SYT16: variants seen among roughly 807,000 people sequenced by gnomAD.
The protein encoded by SYT16 is synaptotagmin 16.
A neutral mutation model predicts 61.4 loss-of-function variants in SYT16; 42 were observed. The observed-to-expected ratio is 0.68, with a 90% CI of 0.53 to 0.89. The LOEUF is 0.89. Ranked by LOEUF, SYT16 falls within the 40% of genes least tolerant of loss-of-function variation. The pLI is 0.00. For missense variants in SYT16, 804 were observed against 807.3 expected (o/e 1.00, Z 0.05); for synonymous variants, 314 against 302.3 (o/e 1.04, Z -0.40).
At chr14:62,050,086 C>T (rs2055200702) in intron 3 of SYT16, among the ~76,000 whole-genome samples, 3 of 152,346 alleles carry the variant, frequency 2.0e-5, no homozygotes, top group South Asian at 4.1e-4. Flanking sequence ...TGCCTCCATT[C>T]TGCCCGTCAC....
At chr14:62,027,399 G>A (rs774785022) in intron 3 of SYT16, among the ~76,000 whole-genome samples, 1 of 152,194 alleles carries the variant, frequency 6.6e-6, no homozygotes, top group Non-Finnish European at 1.5e-5. Context: ...CTCAGTTTCT[G>A]GTTGGTAGCT....
intron 7 of SYT16, among the ~76,000 whole-genome samples, chr14:62,099,684 C>G (rs922827431): frequency 1.3e-5 from 2 of 152,056 alleles, no homozygotes; most frequent in African/African-American, 4.8e-5. Flanking sequence ...TATGTAGATG[C>G]CTGGGCAACA....
chr14:61,953,799 T>C (rs1296831350), intron 1 of SYT16, among the ~76,000 whole-genome samples: 1 of 152,214 alleles, frequency 6.6e-6, no homozygotes, highest in African/African-American at 2.4e-5. Flanking sequence ...TCACCTCTAC[T>C]CTGACCTTGT....
rs369412092 is a variant in SYT16, at chr14:61,901,741, T to TATA, written c.-324-68370_-324-68368dup. 6.4e-3 allele frequency among the ~76,000 whole-genome samples: 937 copies of TATA among 147,556 alleles called. 5 individuals are homozygous for TATA. The highest frequency in any genetic ancestry group is 0.017 in the African/African-American group (698 of 39,966). ...AACATGATCATAGTGTTCATCTGCTTATAATAATAATAATAATAATAATTA... is the reference window on the plus strand; with the variant it reads ...AACATGATCATAGTGTTCATCTGCTTATAATAATAATAATAATAATAATAATTA... On this transcript the variant is annotated intron_variant, in intron 1 of 7. Coordinates refer to ENST00000683842, the MANE Select transcript of SYT16 (RefSeq NM_001367656.1).
intron 1 of SYT16, among the ~76,000 whole-genome samples, chr14:61,948,481 G>A (rs2050537607): frequency 6.6e-6 from 1 of 152,072 alleles, no homozygotes; most frequent in African/African-American, 2.4e-5. Context: ...TTTCACGGCA[G>A]TCGGGCCTCA....
At chr14:61,849,578 T>G (rs965970282) in intron 1 of SYT16, among the ~76,000 whole-genome samples, 1 of 152,150 alleles carries the variant, frequency 6.6e-6, no homozygotes, top group African/African-American at 2.4e-5. Flanking sequence ...CTGTCTGGTG[T>G]TGCTTTCTGC....
chr14:62,035,633 C>G (rs2054477112), intron 3 of SYT16, among the ~76,000 whole-genome samples: 1 of 152,146 alleles, frequency 6.6e-6, no homozygotes, highest in African/African-American at 2.4e-5. Context: ...GGGTGTTGTT[C>G]CACGCATTGC....
intron 1 of SYT16, among the ~76,000 whole-genome samples, chr14:61,813,678 A>T (rs1433708058): frequency 6.6e-6 from 1 of 152,030 alleles, no homozygotes; most frequent in Non-Finnish European, 1.5e-5. Context: ...AGGCGGGAGG[A>T]TCACTTGAGC....
intron 1 of SYT16, among the ~76,000 whole-genome samples, chr14:61,924,572 A>G (rs2049460173): frequency 6.6e-6 from 1 of 152,186 alleles, no homozygotes; most frequent in African/African-American, 2.4e-5. Flanking sequence ...ATTCTGTATA[A>G]AAACCTTTGA....
chr14:62,090,594 A>T (rs1024913157), intron 7 of SYT16, among the ~76,000 whole-genome samples: 1 of 152,218 alleles, frequency 6.6e-6, no homozygotes, highest in South Asian at 2.1e-4. Flanking sequence ...TGGCCATTTC[A>T]TATGAAAATT....
At chr14:61,825,510 G>A (rs765557437) in intron 1 of SYT16, among the ~76,000 whole-genome samples, 2 of 152,038 alleles carry the variant, frequency 1.3e-5, no homozygotes, top group African/African-American at 2.4e-5. Context: ...GCAAGACCTC[G>A]TCTCTACAAA....
At chr14:62,041,636 G>A (rs535275072) in intron 3 of SYT16, among the ~76,000 whole-genome samples, 1 of 152,288 alleles carries the variant, frequency 6.6e-6, no homozygotes, top group South Asian at 2.1e-4. Flanking sequence ...CTCCTGAGTA[G>A]CTGGGTCTAC....
At chr14:61,976,226 A>C (rs1417112700) in intron 2 of SYT16, among the ~76,000 whole-genome samples, 1 of 152,208 alleles carries the variant, frequency 6.6e-6, no homozygotes, top group African/African-American at 2.4e-5. Context: ...TGCAGGGTTC[A>C]GTCCCCCTCC....
chr14:61,953,609 T>C (rs1186252249), intron 1 of SYT16, among the ~76,000 whole-genome samples: 2 of 152,206 alleles, frequency 1.3e-5, no homozygotes, highest in Non-Finnish European at 2.9e-5. Context: ...TCCTGTTGAA[T>C]TCTGAGGTCT....
rs1256274634 is a variant in SYT16, at chr14:61,812,712, G to C, written c.-423G>C. ...GCGCGGCGCGGCCCCCGAGCGCACCGGGCCTGCCGAGGAGCGCGCGCCCGG... is the reference window on the plus strand; with the variant it reads ...GCGCGGCGCGGCCCCCGAGCGCACCCGGCCTGCCGAGGAGCGCGCGCCCGG... On this transcript the variant is annotated 5_prime_UTR_variant, in exon 1 of 8. Transcript: ENST00000683842. 2 of 148,376 alleles carry C rather than the reference G, an allele frequency of 1.3e-5. No homozygotes were observed. Among genetic ancestry groups the C allele is most frequent in the African/African-American group, 2.4e-5 (1 of 41,056 alleles). The allele number at this position is 148,376 out of a possible 1,614,324, so 9.2% of individuals were successfully genotyped here. A position where few individuals can be genotyped will look rare whatever the true frequency, so the allele number is the denominator to read the frequency against.
At chr14:62,013,077 G>A (rs1011838214) in intron 3 of SYT16, among the ~76,000 whole-genome samples, 3 of 152,118 alleles carry the variant, frequency 2.0e-5, no homozygotes, top group African/African-American at 7.2e-5. Flanking sequence ...AGTTAACTAC[G>A]TTGTAACCTT....
intron 1 of SYT16, among the ~76,000 whole-genome samples, chr14:61,868,274 T>G (rs1313503903): frequency 1.3e-5 from 2 of 151,902 alleles, no homozygotes; most frequent in African/African-American, 4.8e-5. Context: ...TCAATTTTAT[T>G]GTTTTTTCCA....
chr14:61,971,987 C>A (rs2250591), intron 2 of SYT16, among the ~76,000 whole-genome samples: 10,817 of 152,236 alleles, frequency 0.071, 796 homozygotes, highest in African/African-American at 0.18. Flanking sequence ...TTCTATTTCT[C>A]TCCCTTCAGC....
intron 3 of SYT16, among the ~76,000 whole-genome samples, chr14:62,046,645 G>A (rs968644978): frequency 6.6e-6 from 1 of 152,178 alleles, no homozygotes; most frequent in Non-Finnish European, 1.5e-5. Context: ...GTGTAAGGAA[G>A]GGATCCAGTT....
Sources: allele counts gnomAD v4.1 joint callset (sites outside exome capture counted in the v4.1 genomes callset), GRCh38; gene constraint gnomAD v4.1.1; transcripts MANE v1.5; gene names NCBI Gene and HGNC (gene_info 2026-07-23, HGNC 2026-07-21).